The following CDKN2B-AS1 variants were observed in gnomAD, a reference collection of about 807,000 sequenced individuals.
CDKN2B-AS1 encodes the protein CDKN2B antisense RNA 1 (non-protein coding).
At chr9:22,109,476 T>C (rs928613990) in intron 4 of CDKN2B-AS1, among the ~76,000 whole-genome samples, 3 of 152,208 alleles carry the variant, frequency 2.0e-5, no homozygotes, top group African/African-American at 7.2e-5. Context: ...CTTTTAACCC[T>C]AATACGTTTC....
At chr9:22,010,437 G>A (rs537680329) in intron 1 of CDKN2B-AS1, among the ~76,000 whole-genome samples, 2 of 152,300 alleles carry the variant, frequency 1.3e-5, no homozygotes, top group South Asian at 4.1e-4. Context: ...AATCATTTTG[G>A]TTCGGAGTGC....
chr9:22,024,577 C>T (rs892332511), intron 1 of CDKN2B-AS1, among the ~76,000 whole-genome samples: 4 of 152,172 alleles, frequency 2.6e-5, no homozygotes, highest in African/African-American at 9.7e-5. Flanking sequence ...GTTCTCCATG[C>T]AGCATTACCA....
intron 4 of CDKN2B-AS1, chr9:22,118,790 T>C (rs1826024466): frequency 6.6e-6 from 1 of 152,230 alleles, no homozygotes; most frequent in Non-Finnish European, 1.5e-5. Flanking sequence ...GCTGCTGAAA[T>C]TCACATGTAT....
intron 4 of CDKN2B-AS1, among the ~76,000 whole-genome samples, chr9:22,102,021 C>T (rs1825501499): frequency 6.6e-6 from 1 of 152,194 alleles, no homozygotes; most frequent in Non-Finnish European, 1.5e-5. Context: ...CTCTCAGACA[C>T]ATTTTGTTGT....
At chr9:22,002,338 C>A (rs1248800289) in intron 1 of CDKN2B-AS1, among the ~76,000 whole-genome samples, 1 of 151,916 alleles carries the variant, frequency 6.6e-6, no homozygotes, top group Non-Finnish European at 1.5e-5. Context: ...ACTTGCTCCA[C>A]TTTTGATAGA....
intron 4 of CDKN2B-AS1, among the ~76,000 whole-genome samples, chr9:22,078,261 T>G (rs533127996): frequency 1.3e-5 from 2 of 152,330 alleles, no homozygotes; most frequent in African/African-American, 4.8e-5. Flanking sequence ...TTTGCTTGCT[T>G]TCAATTTTTT....
chr9:22,105,409 C>A (rs910967222), intron 4 of CDKN2B-AS1, among the ~76,000 whole-genome samples: 2 of 152,202 alleles, frequency 1.3e-5, no homozygotes, highest in Non-Finnish European at 2.9e-5. Flanking sequence ...GCTCACCTTT[C>A]TTCCATGCAG....
chr9:22,029,747 T>C, intron 1 of CDKN2B-AS1: 1 of 398,666 alleles, frequency 2.5e-6, no homozygotes, highest in East Asian at 3.9e-5. Context: ...TCCATTTTCA[T>C]GTGTTTATTC....
chr9:22,070,363 A>T (rs1824240169), intron 4 of CDKN2B-AS1, among the ~76,000 whole-genome samples: 1 of 152,184 alleles, frequency 6.6e-6, no homozygotes, highest in Admixed American at 6.5e-5. Context: ...AAATTAATAA[A>T]ATAGTTTTTT....
intron 4 of CDKN2B-AS1, among the ~76,000 whole-genome samples, chr9:22,123,255 G>C (rs1001055011): frequency 2.0e-5 from 3 of 152,122 alleles, no homozygotes; most frequent in African/African-American, 7.2e-5. Flanking sequence ...TTTTGGTAGA[G>C]TCATTAGATT....
chr9:22,107,963 A>G (rs1213028972), intron 4 of CDKN2B-AS1, among the ~76,000 whole-genome samples: 1 of 152,246 alleles, frequency 6.6e-6, no homozygotes, highest in Non-Finnish European at 1.5e-5. Context: ...CCAGCCGTCA[A>G]TGGGAAAGTT....
At chr9:22,056,731 A>G (rs186671880) in intron 4 of CDKN2B-AS1, among the ~76,000 whole-genome samples, 9 of 152,272 alleles carry the variant, frequency 5.9e-5, no homozygotes, top group Non-Finnish European at 1.2e-4. Flanking sequence ...GCTATCATTT[A>G]AATATCTTTA....
chr9:22,012,240 A>C, intron 1 of CDKN2B-AS1: 1 of 1,427,646 alleles, frequency 7.0e-7, no homozygotes, highest in Non-Finnish European at 9.9e-7. Flanking sequence ...GTCAGTGCGA[A>C]AATTCAAGAC....
rs777370833 is a variant in CDKN2B-AS1, at chr9:22,006,125, C to T, written n.29+10964C>T. The T allele has an allele frequency of 3.7e-6, 6 of 1,611,146 alleles. No homozygotes were observed. Among genetic ancestry groups the T allele is most frequent in the South Asian group, 1.1e-5 (1 of 91,048 alleles). On this transcript the variant is annotated intron_variant and non_coding_transcript_variant, in intron 1 of 4. Transcript: ENST00000650946. The surrounding 1 kb of genome is among the most constrained non-coding windows in gnomAD (Gnocchi z 6.4). Reference sequence around the variant, plus strand: ...CCCGGTGCAGCACCACCAGCGTGTCCAGGAAGCCCTCCCGGGCAGCATCAT... The same window carrying T: ...CCCGGTGCAGCACCACCAGCGTGTCTAGGAAGCCCTCCCGGGCAGCATCAT...
At chr9:22,098,712 G>A (rs1417687795) in intron 4 of CDKN2B-AS1, among the ~76,000 whole-genome samples, 1 of 152,154 alleles carries the variant, frequency 6.6e-6, no homozygotes, top group East Asian at 1.9e-4. Flanking sequence ...AGGAAACCAA[G>A]TCTTAGAAAC....
intron 1 of CDKN2B-AS1, among the ~76,000 whole-genome samples, chr9:22,011,697 C>T (rs1199169929): frequency 6.6e-6 from 1 of 152,186 alleles, no homozygotes; most frequent in African/African-American, 2.4e-5. Context: ...TACCAGACTT[C>T]AAAGATGACA....
Position 22,006,876 on chromosome 9 carries a change from A to T in CDKN2B-AS1, n.29+11715A>T, listed in dbSNP as rs1380996886. On this transcript the variant is annotated intron_variant and non_coding_transcript_variant, in intron 1 of 4. Transcript: ENST00000650946. The surrounding 1 kb of genome is among the most constrained non-coding windows in gnomAD (Gnocchi z 6.4). ...AATTTGAGCCAAAGTTGGAGATTAGAAGGGAAAAGTAAATTAAATCATGCA... is the reference window on the plus strand; with the variant it reads ...AATTTGAGCCAAAGTTGGAGATTAGTAGGGAAAAGTAAATTAAATCATGCA... Among the ~76,000 whole-genome samples the T allele has an allele frequency of 6.6e-6, 1 of 152,098 alleles. No individual in the cohort carries two copies. The highest frequency in any genetic ancestry group is 1.5e-5 in the Non-Finnish European group (1 of 68,012).
chr9:22,121,150 A>G (rs1391071587), intron 4 of CDKN2B-AS1: 1 of 152,084 alleles, frequency 6.6e-6, no homozygotes, highest in African/African-American at 2.4e-5. Flanking sequence ...CATAATCACT[A>G]ATGTTTTAAA....
chr9:22,057,707 C>G (rs1000697147), intron 4 of CDKN2B-AS1, among the ~76,000 whole-genome samples: 2 of 151,154 alleles, frequency 1.3e-5, no homozygotes, highest in African/African-American at 4.9e-5. Flanking sequence ...ACTCAGGAGG[C>G]AGAGGTGGAG....
Sources: gnomAD v4.1 joint callset for allele counts (sites outside exome capture counted in the v4.1 genomes callset) on GRCh38, gnomAD v4.1.1 for gene constraint, Gnocchi (gnomAD v3.1) non-coding constraint, MANE v1.5 for transcripts, NCBI Gene and HGNC (gene_info 2026-07-23, HGNC 2026-07-21) for gene names.